GDF6: variants seen among roughly 807,000 people sequenced by gnomAD.
GDF6 encodes growth differentiation factor 6, also known as growth/differentiation factor 6.
Under a neutral mutation model 32.4 loss-of-function variants are expected in GDF6, and 3 were observed. The observed-to-expected ratio is 0.09, with a 90% CI of 0.04 to 0.24. The LOEUF (loss-of-function observed/expected upper bound fraction) is 0.24, where lower values mean the gene tolerates loss of function less well. GDF6 is among the 10% of genes least tolerant of loss of function. GDF6 has a pLI of 1.00. For synonymous variants in GDF6, 296 were observed against 295.3 expected, an observed-to-expected ratio of 1.00 and a Z score of -0.03; for missense variants, 589 against 637.9, an observed-to-expected ratio of 0.92 and a Z score of 0.83.
chr8:96,145,258 G>T lies in GDF6; in HGVS notation c.673C>A (p.Pro225Thr). The change falls in exon 2 of 2, where the codon CCC becomes ACC. Residue 225 changes from proline (P) to threonine (T), a missense_variant. Pro to Thr is a conservative substitution (Grantham distance 38, BLOSUM62 -1). Coordinates refer to ENST00000287020, the MANE Select transcript of GDF6 (RefSeq NM_001001557.4). This position sits in a 1 kb window ranked among gnomAD's most constrained non-coding sequence, Gnocchi z 5.6. The part of the protein sequence containing the change: ...FDVWQGLRHQ[P>T]WKQLCLELRA... ...AGCTCCAAGCACAGCTGCTTCCAGG[G>T]CTGGTGGCGCAGGCCCTGCCACACG... is the stretch of plus-strand genomic sequence containing the variant. The T allele has an allele frequency of 6.6e-7, 1 of 1,526,464 alleles. No individual in the cohort carries two copies. Among genetic ancestry groups the T allele is most frequent in the South Asian group, 1.2e-5 (1 of 83,272 alleles). The allele number at this position is 1,526,464 out of a possible 1,614,324, so 94.6% of individuals were successfully genotyped here.
Position 96,145,080 on chromosome 8 carries a change from G to A in GDF6, c.851C>T (p.Ser284Phe). The A allele has an allele frequency of 1.3e-6, 2 of 1,515,726 alleles. No homozygotes were observed. Among genetic ancestry groups the A allele is most frequent in the East Asian group, 2.6e-5 (1 of 38,054 alleles). The allele number at this position is 1,515,726 out of a possible 1,614,324, so 93.9% of individuals were successfully genotyped here. The change falls in exon 2 of 2, where the codon TCC becomes TTC. Residue 284 changes from serine to phenylalanine, a missense_variant. This residue lies in a region of GDF6 where 436 missense variants were observed against 411.2 expected (regional missense o/e 1.06). Transcript: ENST00000287020. The surrounding 1 kb of genome is among the most constrained non-coding windows in gnomAD (Gnocchi z 5.6). ...ERALLVVFTRSQRKNLFAEMR... is the reference protein window; with the variant it reads ...ERALLVVFTRFQRKNLFAEMR... ...CTCTGCGAACAGGTTCTTGCGCTGG[G>A]ATCTGGTGAATACCACCAGCAGGGC...
chr8:96,156,910 T>G (rs1037029842), intron 1 of GDF6, among the ~76,000 whole-genome samples: 3 of 152,178 alleles, frequency 2.0e-5, no homozygotes, highest in Non-Finnish European at 4.4e-5. Context: ...CCACTTAAAC[T>G]ATCTATACAG....
In GDF6 at chr8:96,160,524, C is replaced by T. The variant is rs397514725; in HGVS notation, c.169G>A (p.Asp57Asn). Residue 57 changes from aspartate to asparagine, a missense_variant, in exon 1 of 2, where the codon GAC becomes AAC. By Grantham distance (23) the Asp-to-Asn change is conservative (BLOSUM62 1). This residue lies in a region of GDF6 where 436 missense variants were observed against 411.2 expected (regional missense o/e 1.06). Coordinates refer to ENST00000287020, the MANE Select transcript of GDF6 (RefSeq NM_001001557.4). ...TGGCCCTCCCGGCCCGCGTCACTGTCGCGCGGCGCCCGCTGCATCTTGCCT... is the reference window on the plus strand; with the variant it reads ...TGGCCCTCCCGGCCCGCGTCACTGTTGCGCGGCGCCCGCTGCATCTTGCCT... ...KEGKMQRAPR[D>N]SDAGREGQEP... 1.1e-5 allele frequency: 17 copies of T among 1,613,334 alleles called. No individual in the cohort carries two copies. In the South Asian group the frequency reaches 1.9e-4, roughly 18 times the overall value.
Position 96,160,387 on chromosome 8 carries a change from G to T in GDF6, c.306C>A (p.Tyr102Ter). 6.2e-7 allele frequency: 1 copy of T among 1,614,236 alleles called. No homozygotes were observed. Among genetic ancestry groups the T allele is most frequent in the Non-Finnish European group, 8.5e-7 (1 of 1,180,030 alleles). The change falls in exon 1 of 2, where the codon TAC (tyrosine) becomes TAA (stop). Residue 102 changes from tyrosine to a stop codon, truncating the protein, a stop_gained. Coordinates refer to ENST00000287020, the MANE Select transcript of GDF6 (RefSeq NM_001001557.4). LOFTEE classifies it high-confidence loss of function. Reference sequence around the variant, plus strand: ...GCTTCTCAGCGATGGAGTAAGTCCTGTAGATTGACAGCATGTACTCGTGGG... The same window carrying T: ...GCTTCTCAGCGATGGAGTAAGTCCTTTAGATTGACAGCATGTACTCGTGGG... ...VVPHEYMLSI[Y>*]RTYSIAEKLG...
At chr8:96,152,199 T>C (rs1393890381) in intron 1 of GDF6, among the ~76,000 whole-genome samples, 1 of 152,186 alleles carries the variant, frequency 6.6e-6, no homozygotes, top group East Asian at 1.9e-4. Flanking sequence ...AAGTCAAGGC[T>C]CATGGAGGCT....
At position 96,144,699 on chromosome 8, in the gene GDF6, T is replaced by C; in HGVS notation, c.1232A>G (p.Asp411Gly). 2 of 1,613,972 alleles carry C rather than the reference T, an allele frequency of 1.2e-6. No homozygotes were observed. The highest frequency in any genetic ancestry group is 1.7e-6 in the Non-Finnish European group (2 of 1,179,964). ...GCAGCTGGGCGGGGTGGAGCCGGGG[T>C]CCATGGAGTTCATCAGCGTCTGGAT... ...AIIQTLMNSM[D>G]PGSTPPSCCV... Residue 411 changes from aspartate (D) to glycine (G), a missense_variant, in exon 2 of 2, where the codon GAC becomes GGC. Transcript: ENST00000287020. This position sits in a 1 kb window ranked among gnomAD's most constrained non-coding sequence, Gnocchi z 5.1.
chr8:96,146,707 CAG>C lies in GDF6; in HGVS notation c.407-1185_407-1184del, dbSNP rs1554571546. Among the ~76,000 whole-genome samples, 444 of 139,896 alleles carry C rather than the reference CAG, an allele frequency of 3.2e-3. 2 individuals are homozygous for C. The highest frequency in any genetic ancestry group is 0.01 in the African/African-American group (353 of 35,174). The allele number at this position is 139,896 out of a possible 152,430, so 91.8% of individuals were successfully genotyped here. ...ACACACACACACACACACACACACA[CAG>C]AGAGAGAGAGAGAGAGATAGAGAGA... On this transcript the variant is annotated intron_variant, in intron 1 of 1. Transcript: ENST00000287020.
intron 1 of GDF6, among the ~76,000 whole-genome samples, chr8:96,146,030 A>G (rs530840311): frequency 2.6e-5 from 4 of 152,218 alleles, no homozygotes; most frequent in Admixed American, 6.5e-5. Flanking sequence ...AGGATTATCT[A>G]CAATTACCTT....
rs1191206412 is a variant in GDF6, at chr8:96,145,860, G to T, written c.407-336C>A. Among the ~76,000 whole-genome samples, 4 of 152,168 alleles carry T rather than the reference G, an allele frequency of 2.6e-5. No homozygotes were observed. The highest frequency in any genetic ancestry group is 4.4e-5 in the Non-Finnish European group (3 of 68,024). ...ATGTGCCCTTTGTGGTCTCAAGCCT[G>T]GGCCGCGTTTCCCCTAGACCTCCTC... On this transcript the variant is annotated intron_variant, in intron 1 of 1. Coordinates refer to ENST00000287020, the MANE Select transcript of GDF6 (RefSeq NM_001001557.4). This position sits in a 1 kb window ranked among gnomAD's most constrained non-coding sequence, Gnocchi z 5.6.
In GDF6 at chr8:96,143,946, A is replaced by T. The variant is rs1812413010; in HGVS notation, c.*617T>A. The stretch of plus-strand genomic sequence containing the variant: ...CCCACCTCTCTCAAAGCTCTTCTAT[A>T]GGCAGGACCATTCCTGACTTAACTA... On this transcript the variant is annotated 3_prime_UTR_variant, in exon 2 of 2. Transcript: ENST00000287020. The T allele has an allele frequency of 6.3e-6, 1 of 158,620 alleles. No individual in the cohort carries two copies. The highest frequency in any genetic ancestry group is 2.4e-5 in the African/African-American group (1 of 41,458). 9.8% of individuals were successfully genotyped at this position (158,620 alleles called of 1,614,324 possible). A position where few individuals can be genotyped will look rare whatever the true frequency, so the allele number is the denominator to read the frequency against.
rs567250890 is a variant in GDF6 at position 96,149,671 on chromosome 8, AG to A, written c.407-4148del. Among the ~76,000 whole-genome samples, 634 of 152,362 alleles carry A rather than the reference AG, an allele frequency of 4.2e-3. 4 individuals carry two copies. Among genetic ancestry groups the A allele is most frequent in the African/African-American group, 0.013 (539 of 41,590 alleles). On this transcript the variant is annotated intron_variant, in intron 1 of 1. Transcript: ENST00000287020. ...AAAAAATAAAATTTTAACTAAAAAA[AG>A]AAACCAAGAGAAGGAATGGTACCTA...
chr8:96,143,704 G>T lies in GDF6; in HGVS notation c.*859C>A, dbSNP rs1364931152. On this transcript the variant is annotated 3_prime_UTR_variant, in exon 2 of 2. Coordinates refer to ENST00000287020, the MANE Select transcript of GDF6 (RefSeq NM_001001557.4). ...GCCCCAGTCAGAGGCAGGCCTTGTG[G>T]TTTCTCATTATCCTTCAAGGGGTTC... 6.6e-6 allele frequency: 1 copy of T among 152,670 alleles called. No individual in the cohort carries two copies. The highest frequency in any genetic ancestry group is 1.5e-5 in the Non-Finnish European group (1 of 68,086). The allele number at this position is 152,670 out of a possible 1,614,324, so 9.5% of individuals were successfully genotyped here. A position where few individuals can be genotyped will look rare whatever the true frequency, so the allele number is the denominator to read the frequency against.
At chr8:96,158,517 G>T (rs1400812381) in intron 1 of GDF6, among the ~76,000 whole-genome samples, 1 of 152,210 alleles carries the variant, frequency 6.6e-6, no homozygotes, top group African/African-American at 2.4e-5. Flanking sequence ...ACTTGGGGGA[G>T]GGGCAGAGAT....
rs148042877 is a variant in GDF6 at position 96,153,796 on chromosome 8, C to G, written c.406+6491G>C. Among the ~76,000 whole-genome samples, 127 of 152,192 alleles carry G rather than the reference C, an allele frequency of 8.3e-4. 1 individual carries two copies. Among genetic ancestry groups the G allele is most frequent in the African/African-American group, 2.9e-3 (122 of 41,530 alleles). On this transcript the variant is annotated intron_variant, in intron 1 of 1. Transcript: ENST00000287020. The stretch of plus-strand genomic sequence containing the variant: ...GCGGGGAGGATATTGGACTCAGCAC[C>G]CAGGGGTCCTGCGCAGGAGAAACCG...
In GDF6 at chr8:96,144,462, C is replaced by G; in HGVS notation, c.*101G>C. 6.9e-7 allele frequency: 1 copy of G among 1,443,608 alleles called. No individual in the cohort carries two copies. The highest frequency in any genetic ancestry group is 9.4e-7 in the Non-Finnish European group (1 of 1,066,340). 89.4% of individuals were successfully genotyped at this position (1,443,608 alleles called of 1,614,324 possible). ...CTGTTCCCTCACCCTCAGCCTCCCCCAGCGCCAGCTTCCTCCTCCGCCTCT... is the reference window on the plus strand; with the variant it reads ...CTGTTCCCTCACCCTCAGCCTCCCCGAGCGCCAGCTTCCTCCTCCGCCTCT... On this transcript the variant is annotated 3_prime_UTR_variant, in exon 2 of 2. Transcript: ENST00000287020. This position sits in a 1 kb window ranked among gnomAD's most constrained non-coding sequence, Gnocchi z 5.1.
At chr8:96,148,943 C>G (rs1812526122) in intron 1 of GDF6, among the ~76,000 whole-genome samples, 1 of 152,218 alleles carries the variant, frequency 6.6e-6, no homozygotes, top group Non-Finnish European at 1.5e-5. Flanking sequence ...ACAGAAATAG[C>G]TCAGAGGAGG....
chr8:96,154,163 T>TC, intron 1 of GDF6, among the ~76,000 whole-genome samples: 1 of 152,236 alleles, frequency 6.6e-6, no homozygotes, highest in East Asian at 1.9e-4. Context: ...TCTGTCCTTC[T>TC]CCCCAAGCTA....
intron 1 of GDF6, among the ~76,000 whole-genome samples, chr8:96,153,237 TTCCTGAACTTAGTTAA>T (rs1812599350): frequency 6.6e-6 from 1 of 152,230 alleles, no homozygotes; most frequent in Non-Finnish European, 1.5e-5. Flanking sequence ...CAAAGCAGTT[TTCCTGAACTTAGTTAA>T]TGACCCTGAT....
Position 96,144,288 on chromosome 8 carries a change from G to A in GDF6, c.*275C>T, listed in dbSNP as rs866527950. ...AGAGAGAGAGAGAGAGAGAGAGAGA[G>A]AGAAAACAGAACAAAAGAAATCCTC... is the stretch of plus-strand genomic sequence containing the variant. On this transcript the variant is annotated 3_prime_UTR_variant, in exon 2 of 2. Transcript: ENST00000287020. This position sits in a 1 kb window ranked among gnomAD's most constrained non-coding sequence, Gnocchi z 5.1. 4 of 465,700 alleles carry A rather than the reference G, an allele frequency of 8.6e-6. No homozygotes were observed. Among genetic ancestry groups the A allele is most frequent in the Middle Eastern group, 6.2e-4 (1 of 1,602 alleles). The allele number at this position is 465,700 out of a possible 1,614,324, so 28.8% of individuals were successfully genotyped here.
Sources: allele counts gnomAD v4.1 joint callset (sites outside exome capture counted in the v4.1 genomes callset), GRCh38; gene constraint gnomAD v4.1.1; regional missense constraint gnomAD v4.1.1; non-coding constraint Gnocchi (gnomAD v3.1); transcripts MANE v1.5; gene names NCBI Gene and HGNC (gene_info 2026-07-23, HGNC 2026-07-21).